The following NFE2L3 variants were observed in gnomAD, a reference collection of about 807,000 sequenced individuals.
The protein encoded by NFE2L3 is NFE2 like bZIP transcription factor 3.
In NFE2L3, 18 loss-of-function variants were observed where a neutral mutation model predicts 23.5. That is an observed-to-expected ratio of 0.77 (90% CI 0.53 to 1.13). The LOEUF (loss-of-function observed/expected upper bound fraction) is 1.13, where lower values mean the gene tolerates loss of function less well. Ranked by LOEUF, NFE2L3 falls within the 50% of genes most tolerant of loss-of-function variation. NFE2L3 has a pLI of 0.00. For missense variants in NFE2L3, 1,152 were observed against 877.2 expected (o/e 1.31, Z -3.96); for synonymous variants, 424 against 354.5 (o/e 1.20, Z -2.20).
intron 2 of NFE2L3, among the ~76,000 whole-genome samples, chr7:26,183,006 C>G (rs2128100315): frequency 6.6e-6 from 1 of 152,146 alleles, no homozygotes; most frequent in East Asian, 1.9e-4. Flanking sequence ...AAGCTGGTCT[C>G]CAACTCCTGG....
chr7:26,179,305 A>G (rs1182949007), intron 2 of NFE2L3, among the ~76,000 whole-genome samples: 2 of 152,056 alleles, frequency 1.3e-5, no homozygotes, highest in Non-Finnish European at 2.9e-5. Flanking sequence ...GTTGGAGATC[A>G]GCCTGGGCAA....
intron 2 of NFE2L3, among the ~76,000 whole-genome samples, chr7:26,180,085 T>C (rs1481807861): frequency 6.6e-6 from 1 of 152,172 alleles, no homozygotes; most frequent in Admixed American, 6.5e-5. Flanking sequence ...AACATGCCCT[T>C]AGACCCTTTT....
rs1316980328 is a variant in NFE2L3, at chr7:26,185,948, A to G, written c.*165A>G. 2.6e-5 allele frequency: 16 copies of G among 606,806 alleles called. No individual in the cohort carries two copies. Among genetic ancestry groups the G allele is most frequent in the Non-Finnish European group, 3.8e-5 (14 of 368,410 alleles). The allele number at this position is 606,806 out of a possible 1,614,324, so 37.6% of individuals were successfully genotyped here. ...AAGCTTACATGGACAAATGTTTAGG[A>G]CTTCAAGATCACACTTGTGGGCAAT... On this transcript the variant is annotated 3_prime_UTR_variant, in exon 4 of 4. Transcript: ENST00000056233.
In NFE2L3 at chr7:26,186,412, T is replaced by G. The variant is rs913380207; in HGVS notation, c.*629T>G. 1 of 152,268 alleles carries G rather than the reference T, an allele frequency of 6.6e-6. No individual in the cohort carries two copies. Among genetic ancestry groups the G allele is most frequent in the Non-Finnish European group, 1.5e-5 (1 of 68,142 alleles). 9.4% of individuals were successfully genotyped at this position (152,268 alleles called of 1,614,324 possible). On this transcript the variant is annotated 3_prime_UTR_variant, in exon 4 of 4. Coordinates refer to ENST00000056233, the MANE Select transcript of NFE2L3 (RefSeq NM_004289.7). ...AGGCAGCATAGCAAACTGCTCAGAC[T>G]CAAGCCAAATTGAGGTCAACATAGT...
At chr7:26,177,780 G>A (rs1458764861) in intron 1 of NFE2L3, among the ~76,000 whole-genome samples, 163 bp from the exon 2 acceptor site, 1 of 152,230 alleles carries the variant, frequency 6.6e-6, no homozygotes, top group East Asian at 1.9e-4. Flanking sequence ...AGGACAGGAT[G>A]TAAAACTGAC....
At chr7:26,168,631 A>G (rs191676868) in intron 1 of NFE2L3, among the ~76,000 whole-genome samples, 11 of 151,276 alleles carry the variant, frequency 7.3e-5, no homozygotes, top group African/African-American at 2.7e-4. Flanking sequence ...ATTGATGGGC[A>G]TTTGTGCTGA....
At chr7:26,179,880 C>T (rs1562676992) in intron 2 of NFE2L3, among the ~76,000 whole-genome samples, 1 of 152,128 alleles carries the variant, frequency 6.6e-6, no homozygotes, top group Non-Finnish European at 1.5e-5. Context: ...CTCTTTGTCA[C>T]GTGGGCACCT....
intron 1 of NFE2L3, among the ~76,000 whole-genome samples, chr7:26,163,328 T>TA (rs1463841852): frequency 6.6e-6 from 1 of 152,192 alleles, no homozygotes; most frequent in Non-Finnish European, 1.5e-5. Context: ...TTAGCACACC[T>TA]AAAAGAAATT....
In NFE2L3 at chr7:26,185,074, A is replaced by G. The variant is rs1782445764; in HGVS notation, c.1376A>G (p.His459Arg). ...ACTGACCATGAATCTAGTTCCCATC[A>G]TGACTTAGAAGGTGCTGTAGGTGGC... ...YCTDHESSSH[H>R]DLEGAVGGYY... is the part of the protein sequence containing the mutation. Residue 459 changes from histidine to arginine, a missense_variant, in exon 4 of 4, where the codon CAT (histidine) becomes CGT (arginine). By Grantham distance (29) the His-to-Arg change is conservative (BLOSUM62 0). Transcript: ENST00000056233. 1 of 1,613,912 alleles carries G rather than the reference A, an allele frequency of 6.2e-7. No homozygotes were observed.
chr7:26,183,782 G>C lies in NFE2L3; in HGVS notation c.832G>C (p.Glu278Gln). 6.2e-7 allele frequency: 1 copy of C among 1,608,376 alleles called. No homozygotes were observed. Among genetic ancestry groups the C allele is most frequent in the Non-Finnish European group, 8.5e-7 (1 of 1,174,740 alleles). Residue 278 changes from glutamate (E) to glutamine (Q), a missense_variant and splice_region_variant, in exon 3 of 4, where the codon GAG becomes CAG. Coordinates refer to ENST00000056233, the MANE Select transcript of NFE2L3 (RefSeq NM_004289.7). ...LLSSQPENSL[E>Q]GISLGDIPLP... ...TTCATCACAGCCTGAAAATTCACTG[G>C]AGGTAATTGGAACTTTGGCTTTTAT...
In NFE2L3 at chr7:26,186,079, GCC is replaced by G. The variant is rs1562682027; in HGVS notation, c.*297_*298del. 4.2e-6 allele frequency: 1 copy of G among 236,618 alleles called. No individual in the cohort carries two copies. Among genetic ancestry groups the G allele is most frequent in the African/African-American group, 2.3e-5 (1 of 44,440 alleles). 14.7% of individuals were successfully genotyped at this position (236,618 alleles called of 1,614,324 possible). A position where few individuals can be genotyped will look rare whatever the true frequency, so the allele number is the denominator to read the frequency against. On this transcript the variant is annotated 3_prime_UTR_variant, in exon 4 of 4. Transcript: ENST00000056233. Reference sequence around the variant, plus strand: ...CCCAGTAAGACTTTCCATCTTGGCAGCCATCCTTTTTAAGAGTAAGTTGGTTA... The same window carrying G: ...CCCAGTAAGACTTTCCATCTTGGCAGATCCTTTTTAAGAGTAAGTTGGTTA...
chr7:26,183,082 T>C (rs905303138), intron 2 of NFE2L3, among the ~76,000 whole-genome samples: 3 of 151,166 alleles, frequency 2.0e-5, no homozygotes, highest in Non-Finnish European at 1.5e-5. Flanking sequence ...CCACCACACC[T>C]GGCCAAAATT....
Position 26,180,007 on chromosome 7 carries a change from G to A in NFE2L3, c.750+1885G>A, listed in dbSNP as rs574669524. Reference sequence around the variant, plus strand: ...TTTAGGACTCTTCCCTGAATGTTCCGTGGTATACATGCATCTCACCTCTTC... The same window carrying A: ...TTTAGGACTCTTCCCTGAATGTTCCATGGTATACATGCATCTCACCTCTTC... On this transcript the variant is annotated intron_variant, in intron 2 of 3. Transcript: ENST00000056233. Among the ~76,000 whole-genome samples the A allele has an allele frequency of 1.1e-3, 171 of 152,060 alleles. 1 individual carries two copies. The highest frequency in any genetic ancestry group is 3.2e-3 in the Middle Eastern group (1 of 316).
In NFE2L3 at chr7:26,152,206, G is replaced by A. The variant is rs1554320407; in HGVS notation, c.-293G>A. ...CGCCCGCGGCCGGGGGCGGAGCTTG[G>A]CCACCGCGCCGGGCTGCGGGCGGCT... On this transcript the variant is annotated 5_prime_UTR_variant, in exon 1 of 4. Transcript: ENST00000056233. The surrounding 1 kb of genome is among the most constrained non-coding windows in gnomAD (Gnocchi z 4.4). 2 of 177,192 alleles carry A rather than the reference G, an allele frequency of 1.1e-5. No homozygotes were observed. Among genetic ancestry groups the A allele is most frequent in the Non-Finnish European group, 1.2e-5 (1 of 85,116 alleles). The allele number at this position is 177,192 out of a possible 1,614,324, so 11.0% of individuals were successfully genotyped here.
chr7:26,155,621 G>C (rs1235595229), intron 1 of NFE2L3, among the ~76,000 whole-genome samples: 1 of 152,164 alleles, frequency 6.6e-6, no homozygotes, highest in African/African-American at 2.4e-5. Flanking sequence ...ACGTCTCAGT[G>C]CATCTGGGAT....
chr7:26,185,087 T>A lies in NFE2L3; in HGVS notation c.1389T>A (p.Gly463=). 2.5e-6 allele frequency: 4 copies of A among 1,613,902 alleles called. No individual in the cohort carries two copies. Among genetic ancestry groups the A allele is most frequent in the Non-Finnish European group, 3.4e-6 (4 of 1,179,824 alleles). The change falls in exon 4 of 4, where the codon GGT becomes GGA. Residue 463 remains glycine (G), a synonymous_variant. Coordinates refer to ENST00000056233, the MANE Select transcript of NFE2L3 (RefSeq NM_004289.7). ...HESSSHHDLE[G]AVGGYYPEPS... is the part of the protein sequence containing the mutation. ...CTAGTTCCCATCATGACTTAGAAGG[T>A]GCTGTAGGTGGCTACTACCCAGAAC...
chr7:26,157,700 A>G (rs942392843), intron 1 of NFE2L3, among the ~76,000 whole-genome samples: 2 of 152,190 alleles, frequency 1.3e-5, no homozygotes, highest in East Asian at 3.8e-4. Flanking sequence ...GTAAAGGTGC[A>G]CTATTGTCTT....
chr7:26,177,368 G>A (rs1415441774), intron 1 of NFE2L3, among the ~76,000 whole-genome samples: 9 of 152,196 alleles, frequency 5.9e-5, no homozygotes, highest in Non-Finnish European at 1.0e-4. Context: ...AGGCCGAGGC[G>A]GGCAGATCAC....
chr7:26,172,756 A>T (rs1784344745), intron 1 of NFE2L3, among the ~76,000 whole-genome samples: 1 of 152,220 alleles, frequency 6.6e-6, no homozygotes. Flanking sequence ...TGTGTCCTCC[A>T]TATCAGGAGA....
Sources: allele counts gnomAD v4.1 joint callset (sites outside exome capture counted in the v4.1 genomes callset), GRCh38; gene constraint gnomAD v4.1.1; non-coding constraint Gnocchi (gnomAD v3.1); transcripts MANE v1.5; gene names NCBI Gene and HGNC (gene_info 2026-07-23, HGNC 2026-07-21).